Variants in SLC35E1 observed in about 807,000 individuals in gnomAD.
SLC35E1 encodes solute carrier family 35, member E1.
In SLC35E1, 12 loss-of-function variants were observed where a neutral mutation model predicts 31.0. That is an observed-to-expected ratio of 0.39 (90% CI 0.25 to 0.63). The LOEUF is 0.63. SLC35E1 is among the 20% of genes least tolerant of loss of function. SLC35E1 has a pLI of 0.52. For missense variants in SLC35E1, 429 were observed against 572.2 expected, an observed-to-expected ratio of 0.75 and a Z score of 2.55; for synonymous variants, 257 against 264.1, an observed-to-expected ratio of 0.97 and a Z score of 0.26.
rs2085933247 is a variant in SLC35E1 at position 16,566,531 on chromosome 19, C to T, written c.756+1G>A. 1 of 1,612,548 alleles carries T rather than the reference C, an allele frequency of 6.2e-7. No individual in the cohort carries two copies. The highest frequency in any genetic ancestry group is 1.7e-5 in the Admixed American group (1 of 60,006). Reference sequence around the variant, plus strand: ...CGTGTTCTTGGTGCTGTACAACTCACCAAGTCGCTGCTGACCAGGAAAGCC... The same window carrying T: ...CGTGTTCTTGGTGCTGTACAACTCATCAAGTCGCTGCTGACCAGGAAAGCC... On this transcript the variant is annotated splice_donor_variant, in intron 4 of 5. Transcript: ENST00000595753. LOFTEE classifies it high-confidence loss of function.
intron 4 of SLC35E1, among the ~76,000 whole-genome samples, chr19:16,562,434 C>T (rs1010608956): frequency 3.3e-5 from 5 of 152,192 alleles, no homozygotes; most frequent in Non-Finnish European, 7.3e-5. Context: ...GGGACCCCTG[C>T]GGATGCCAAA....
Position 16,566,641 on chromosome 19 carries a change from C to T in SLC35E1, c.647G>A (p.Arg216Gln), listed in dbSNP as rs758925004. 1.9e-6 allele frequency: 3 copies of T among 1,611,906 alleles called. No individual in the cohort carries two copies. The highest frequency in any genetic ancestry group is 1.3e-5 in the African/African-American group (1 of 74,800). The change falls in exon 4 of 6, where the codon CGG (arginine) becomes CAG (glutamine). Residue 216 changes from arginine to glutamine, a missense_variant. Physicochemically the swap from Arg to Gln is conservative, Grantham distance 43. Coordinates refer to ENST00000595753, the MANE Select transcript of SLC35E1 (RefSeq NM_024881.5). Reference sequence around the variant, plus strand: ...GTTGAGCAGCCGGAGATGGTGGATCCGTGAATCTCGCAAGACCTGGAAAGG... The same window carrying T: ...GTTGAGCAGCCGGAGATGGTGGATCTGTGAATCTCGCAAGACCTGGAAAGG... ...IFSKKVLRDS[R>Q]IHHLRLLNIL...
chr19:16,570,149 G>A lies in SLC35E1; in HGVS notation c.492+1363C>T, dbSNP rs117553419. 4.4e-4 allele frequency among the ~76,000 whole-genome samples: 67 copies of A among 152,254 alleles called. 2 individuals carry two copies. The East Asian group carries it at 0.011, about 25-fold the overall frequency. On this transcript the variant is annotated intron_variant, in intron 2 of 5. Transcript: ENST00000595753. ...GTCTTTCCTCACTGTGTGAAGTTCC[G>A]GCTCCTTGCCCAAGCTGGGTACAAT...
intron 4 of SLC35E1, among the ~76,000 whole-genome samples, chr19:16,560,323 C>A (rs186940662): frequency 6.6e-6 from 1 of 152,246 alleles, no homozygotes; most frequent in East Asian, 1.9e-4. Flanking sequence ...GGTTTAATCA[C>A]CGTACTCTGC....
chr19:16,554,698 G>A (rs1272948762), intron 5 of SLC35E1, among the ~76,000 whole-genome samples: 1 of 151,630 alleles, frequency 6.6e-6, no homozygotes, highest in Non-Finnish European at 1.5e-5. Context: ...GGCGCCTGTA[G>A]TCCCAGCTAC....
intron 2 of SLC35E1, among the ~76,000 whole-genome samples, chr19:16,569,268 C>T (rs1774418549): frequency 6.6e-6 from 1 of 152,078 alleles, no homozygotes; most frequent in Admixed American, 6.5e-5. Context: ...CGTGATCTGC[C>T]CACCTTGGCC....
intron 2 of SLC35E1, among the ~76,000 whole-genome samples, chr19:16,569,480 A>G (rs1334365865): frequency 6.6e-6 from 1 of 152,200 alleles, no homozygotes; most frequent in African/African-American, 2.4e-5. Flanking sequence ...AGAGCCTTCT[A>G]GAAGGTCTGG....
Position 16,555,076 on chromosome 19 carries a change from G to C in SLC35E1, c.1002+76C>G, listed in dbSNP as rs1454443578. 32 of 1,586,586 alleles carry C rather than the reference G, an allele frequency of 2.0e-5. No individual in the cohort carries two copies. The highest frequency in any genetic ancestry group is 7.0e-5 in the Admixed American group (4 of 56,846). On this transcript the variant is annotated intron_variant, in intron 5 of 5. Transcript: ENST00000595753. This position sits in a 1 kb window ranked among gnomAD's most constrained non-coding sequence, Gnocchi z 4.1. ...ATACAACCCCAGCCTTGAGCGCCCG[G>C]GAGGCCCTTCCTTTTCTGACTTCCT...
intron 4 of SLC35E1, among the ~76,000 whole-genome samples, chr19:16,564,466 T>C (rs995496303): frequency 1.3e-5 from 2 of 152,062 alleles, no homozygotes; most frequent in Admixed American, 1.3e-4. Context: ...CCACCATGCC[T>C]GGCAAATTTT....
intron 4 of SLC35E1, among the ~76,000 whole-genome samples, chr19:16,558,439 C>G (rs571312521): frequency 6.6e-6 from 1 of 152,190 alleles, no homozygotes; most frequent in Non-Finnish European, 1.5e-5. Flanking sequence ...CAGGTTCAAG[C>G]AATTCACCTG....
chr19:16,562,280 C>T (rs758331483), intron 4 of SLC35E1, among the ~76,000 whole-genome samples: 3 of 152,152 alleles, frequency 2.0e-5, no homozygotes, highest in Non-Finnish European at 4.4e-5. Flanking sequence ...TGACAGGAAA[C>T]CCACTGACAC....
At chr19:16,568,757 G>T (rs998766342) in intron 2 of SLC35E1, among the ~76,000 whole-genome samples, 2 of 152,128 alleles carry the variant, frequency 1.3e-5, no homozygotes, top group Non-Finnish European at 2.9e-5. Flanking sequence ...AGTCTTGAAC[G>T]CCTGATCCAC....
Position 16,572,029 on chromosome 19 carries a change from C to T in SLC35E1, c.336G>A (p.Val112=). 1 of 1,543,526 alleles carries T rather than the reference C, an allele frequency of 6.5e-7. No homozygotes were observed. Among genetic ancestry groups the T allele is most frequent in the South Asian group, 1.2e-5 (1 of 83,832 alleles). Residue 112 remains valine, a synonymous_variant, in exon 1 of 6, where the codon GTG becomes GTA. Transcript: ENST00000595753. The surrounding 1 kb of genome is among the most constrained non-coding windows in gnomAD (Gnocchi z 4.1). The part of the protein sequence containing the change: ...LLPPRFYPRY[V]LPLAFGKYFA... ...AGTACTTGCCGAAGGCGAGCGGTAG[C>T]ACGTAGCGCGGGTAGAAGCGCGGCG...
At position 16,568,000 on chromosome 19, in the gene SLC35E1, C is replaced by T. The variant is rs1325588634; in HGVS notation, c.630+32G>A. On this transcript the variant is annotated intron_variant, in intron 3 of 5. Transcript: ENST00000595753. ...TTTGCTGCCCGCACACCCCTGAAAC[C>T]CCATGCATGTCCGCTGATGGTGACC... 5.1e-6 allele frequency: 8 copies of T among 1,577,052 alleles called. No individual in the cohort carries two copies. The Admixed American group carries it at 8.9e-5, about 18-fold the overall frequency.
At chr19:16,561,831 A>G (rs1046954225) in intron 4 of SLC35E1, among the ~76,000 whole-genome samples, 3 of 152,284 alleles carry the variant, frequency 2.0e-5, no homozygotes, top group Non-Finnish European at 4.4e-5. Flanking sequence ...TCAGACTGCA[A>G]CATTAGTGAA....
At chr19:16,562,833 C>A (rs1231775367) in intron 4 of SLC35E1, among the ~76,000 whole-genome samples, 1 of 152,122 alleles carries the variant, frequency 6.6e-6, no homozygotes, top group African/African-American at 2.4e-5. Context: ...CTCAGGCTCC[C>A]AAGTAGCTCG....
rs1009490991 is a variant in SLC35E1, at chr19:16,553,415, C to T, written c.*264G>A. On this transcript the variant is annotated 3_prime_UTR_variant, in exon 6 of 6. Transcript: ENST00000595753. ...CGTGGCCAAGATCTCCGCAGGGACA[C>T]GGCCCTCAGATGACAGACTCCAGGA... 3.6e-4 allele frequency: 111 copies of T among 305,804 alleles called. 1 individual carries two copies. Among genetic ancestry groups the T allele is most frequent in the Admixed American group, 4.5e-4 (9 of 19,928 alleles). 18.9% of individuals were successfully genotyped at this position (305,804 alleles called of 1,614,324 possible).
At chr19:16,564,257 G>C (rs188568216) in intron 4 of SLC35E1, 2 of 152,474 alleles carry the variant, frequency 1.3e-5, no homozygotes, top group East Asian at 3.9e-4. Context: ...GTGCTAGAAG[G>C]GCAAGGAGCC....
At chr19:16,561,784 CAA>C (rs2085907668) in intron 4 of SLC35E1, among the ~76,000 whole-genome samples, 1 of 152,120 alleles carries the variant, frequency 6.6e-6, no homozygotes, top group South Asian at 2.1e-4. Context: ...AGACACAAGA[CAA>C]AGAGGGGGAA....
Sources: allele counts gnomAD v4.1 joint callset (sites outside exome capture counted in the v4.1 genomes callset), GRCh38; gene constraint gnomAD v4.1.1; non-coding constraint Gnocchi (gnomAD v3.1); transcripts MANE v1.5; gene names NCBI Gene and HGNC (gene_info 2026-07-23, HGNC 2026-07-21).